PDGFD: variants seen among roughly 807,000 people sequenced by gnomAD.
PDGFD encodes the protein platelet-derived growth factor D.
PDGFD carries 30 observed loss-of-function variants against 44.7 expected under a neutral mutation model. That is an observed-to-expected ratio of 0.67 (90% CI 0.50 to 0.91). The LOEUF (loss-of-function observed/expected upper bound fraction) is 0.91. PDGFD is among the 40% of genes least tolerant of loss of function. PDGFD has a pLI of 0.00. For missense variants in PDGFD, 445 were observed against 457.8 expected (o/e 0.97, Z 0.25); for synonymous variants, 173 against 168.4 (o/e 1.03, Z -0.21).
chr11:104,141,298 T>G (rs1004759763), intron 1 of PDGFD, among the ~76,000 whole-genome samples: 1 of 152,220 alleles, frequency 6.6e-6, no homozygotes, highest in African/African-American at 2.4e-5. Flanking sequence ...CTCTAGAACT[T>G]GTGAACATAT....
chr11:104,077,161 C>T (rs965482423), intron 1 of PDGFD, among the ~76,000 whole-genome samples: 1 of 152,118 alleles, frequency 6.6e-6, no homozygotes, highest in African/African-American at 2.4e-5. Context: ...ATTCTCTACA[C>T]AGTGGATTGC....
intron 1 of PDGFD, among the ~76,000 whole-genome samples, chr11:104,127,482 A>G (rs1009569567): frequency 7.9e-5 from 12 of 152,154 alleles, no homozygotes; most frequent in African/African-American, 2.9e-4. Context: ...GGAAATCTGG[A>G]TTCGAACCTG....
intron 3 of PDGFD, among the ~76,000 whole-genome samples, chr11:103,993,752 G>A (rs1425157206): frequency 1.3e-5 from 2 of 152,128 alleles, no homozygotes; most frequent in Non-Finnish European, 2.9e-5. Context: ...TACATACCTG[G>A]AGGTTAAGCT....
chr11:104,095,095 A>G (rs1861264952), intron 1 of PDGFD, among the ~76,000 whole-genome samples: 1 of 151,862 alleles, frequency 6.6e-6, no homozygotes, highest in African/African-American at 2.4e-5. Context: ...ATTCACCTCC[A>G]CTTACCCTTC....
At chr11:103,926,601 T>A (rs1485894366) in intron 6 of PDGFD, among the ~76,000 whole-genome samples, 1 of 152,244 alleles carries the variant, frequency 6.6e-6, no homozygotes, top group Non-Finnish European at 1.5e-5. Context: ...TTTTTTTCTG[T>A]CTTTCTGCAA....
intron 1 of PDGFD, among the ~76,000 whole-genome samples, chr11:104,110,292 G>C (rs1339146265): frequency 6.6e-6 from 1 of 151,516 alleles, no homozygotes; most frequent in Admixed American, 6.6e-5. Context: ...AAATGCAATT[G>C]ATGGTTTAAA....
intron 6 of PDGFD, among the ~76,000 whole-genome samples, chr11:103,919,253 T>C (rs914908358): frequency 5.9e-5 from 9 of 152,224 alleles, no homozygotes; most frequent in Admixed American, 2.0e-4. Flanking sequence ...GATATTTAAC[T>C]ACAGTTACTC....
At position 104,140,988 on chromosome 11, in the gene PDGFD, G is replaced by A. The variant is rs1414737634; in HGVS notation, c.124+22816C>T. ...CTGGTTCTCCAATTCATTTAATGTT[G>A]CTGCCCAGCAGCAAAGGGCCTACAT... On this transcript the variant is annotated intron_variant, in intron 1 of 6. Coordinates refer to ENST00000393158, the MANE Select transcript of PDGFD (RefSeq NM_025208.5). 3.9e-5 allele frequency among the ~76,000 whole-genome samples: 6 copies of A among 152,162 alleles called. No homozygotes were observed. The East Asian group carries it at 1.2e-3, about 30-fold the overall frequency.
chr11:104,037,473 A>C, intron 1 of PDGFD: 1 of 1,614,132 alleles, frequency 6.2e-7, no homozygotes, highest in South Asian at 1.1e-5. Flanking sequence ...TAGAAGAGGA[A>C]ATCCGGCAGC....
chr11:103,946,137 TG>T (rs577474331), intron 4 of PDGFD: 122 of 114,954 alleles, frequency 1.1e-3, no homozygotes, highest in African/African-American at 9.4e-3. Context: ...TAATTTAAAA[TG>T]ATAACAATTT....
In PDGFD at chr11:104,045,398, C is replaced by T. The variant is rs564627343; in HGVS notation, c.125-45143G>A. Among the ~76,000 whole-genome samples, 12 of 151,992 alleles carry T rather than the reference C, an allele frequency of 7.9e-5. No homozygotes were observed. In the South Asian group the frequency reaches 2.3e-3, roughly 29 times the overall value. On this transcript the variant is annotated intron_variant, in intron 1 of 6. Coordinates refer to ENST00000393158, the MANE Select transcript of PDGFD (RefSeq NM_025208.5). ...AATTAAATAATCCTACAAATTTTTT[C>T]AAGAAGATTCATACTACAGCTGAAA...
chr11:103,959,385 G>A (rs190977625), intron 3 of PDGFD, among the ~76,000 whole-genome samples: 75 of 152,294 alleles, frequency 4.9e-4, no homozygotes, highest in African/African-American at 1.6e-3. Flanking sequence ...TTTCTAAGGG[G>A]ATTTCCAGAG....
At chr11:104,127,861 C>G (rs1053281272) in intron 1 of PDGFD, among the ~76,000 whole-genome samples, 1 of 152,144 alleles carries the variant, frequency 6.6e-6, no homozygotes, top group African/African-American at 2.4e-5. Context: ...TCTTAGCTGA[C>G]AGCACTGCCA....
chr11:104,057,966 G>T (rs1860648900), intron 1 of PDGFD, among the ~76,000 whole-genome samples: 1 of 151,978 alleles, frequency 6.6e-6, no homozygotes, highest in Admixed American at 6.6e-5. Flanking sequence ...GAATCCATAA[G>T]CAAAAAACAA....
intron 1 of PDGFD, among the ~76,000 whole-genome samples, chr11:104,153,862 AG>A (rs1862274028): frequency 6.6e-6 from 1 of 152,120 alleles, no homozygotes. Context: ...CACTAGATAA[AG>A]ATCGATCCTC....
chr11:103,967,039 G>A (rs1015169225), intron 3 of PDGFD, among the ~76,000 whole-genome samples: 1 of 152,170 alleles, frequency 6.6e-6, no homozygotes, highest in Non-Finnish European at 1.5e-5. Context: ...GATATTTTTA[G>A]TCTAATACTT....
chr11:103,939,608 A>T (rs938545356), intron 5 of PDGFD, among the ~76,000 whole-genome samples: 1 of 152,062 alleles, frequency 6.6e-6, no homozygotes. Flanking sequence ...GTTTAGTTTT[A>T]GTTAAACTGC....
intron 1 of PDGFD, among the ~76,000 whole-genome samples, chr11:104,156,684 G>A (rs749382279): frequency 1.3e-5 from 2 of 152,172 alleles, no homozygotes; most frequent in East Asian, 1.9e-4. Flanking sequence ...ATATAGAGAT[G>A]TCAGCATACC....
At chr11:104,106,398 T>A (rs1861472101) in intron 1 of PDGFD, among the ~76,000 whole-genome samples, 1 of 151,816 alleles carries the variant, frequency 6.6e-6, no homozygotes, top group African/African-American at 2.4e-5. Context: ...GATTACTACC[T>A]GTGCATCAGC....
Sources: allele counts gnomAD v4.1 joint callset (sites outside exome capture counted in the v4.1 genomes callset), GRCh38; gene constraint gnomAD v4.1.1; transcripts MANE v1.5; gene names NCBI Gene and HGNC (gene_info 2026-07-23, HGNC 2026-07-21).